Variants in HPSE2 observed in about 807,000 individuals in gnomAD.
HPSE2 encodes heparanase 2 (inactive).
A neutral mutation model predicts 60.5 loss-of-function variants in HPSE2; 38 were observed. The observed-to-expected ratio is 0.63, with a 90% CI of 0.48 to 0.82. The LOEUF is 0.82. Ranked by LOEUF, HPSE2 falls within the 40% of genes least tolerant of loss-of-function variation. The pLI, the probability that HPSE2 is intolerant of heterozygous loss-of-function variation, is 0.00. For missense variants in HPSE2, 713 were observed against 740.4 expected, an observed-to-expected ratio of 0.96 and a Z score of 0.43; for synonymous variants, 295 against 293.2, an observed-to-expected ratio of 1.01 and a Z score of -0.06.
intron 3 of HPSE2, among the ~76,000 whole-genome samples, chr10:98,890,278 G>A (rs1469558724): frequency 6.6e-6 from 1 of 151,796 alleles, no homozygotes; most frequent in African/African-American, 2.4e-5. Flanking sequence ...GATAATTTGT[G>A]GTATCATTGA....
chr10:99,153,917 G>A (rs1846401528), intron 2 of HPSE2, among the ~76,000 whole-genome samples: 1 of 151,826 alleles, frequency 6.6e-6, no homozygotes, highest in Non-Finnish European at 1.5e-5. Flanking sequence ...AGGAGCTGAT[G>A]GAGCTGAAAA....
At chr10:98,531,999 T>C (rs2133802743) in intron 9 of HPSE2, among the ~76,000 whole-genome samples, 2 of 152,290 alleles carry the variant, frequency 1.3e-5, no homozygotes, top group Middle Eastern at 6.8e-3. Context: ...ACCAAGCAAA[T>C]ATATTTTAAG....
At chr10:98,857,885 C>T (rs930503733) in intron 3 of HPSE2, among the ~76,000 whole-genome samples, 1 of 152,054 alleles carries the variant, frequency 6.6e-6, no homozygotes, top group Non-Finnish European at 1.5e-5. Context: ...AAACATAATG[C>T]AATCTCACAA....
At chr10:99,172,008 G>C (rs946050381) in intron 2 of HPSE2, among the ~76,000 whole-genome samples, 1 of 152,082 alleles carries the variant, frequency 6.6e-6, no homozygotes, top group Non-Finnish European at 1.5e-5. Flanking sequence ...TTAAAATAAA[G>C]ATTTAGGTAT....
intron 3 of HPSE2, among the ~76,000 whole-genome samples, chr10:99,033,607 C>T (rs1163233161): frequency 2.6e-5 from 4 of 152,038 alleles, no homozygotes; most frequent in Non-Finnish European, 4.4e-5. Flanking sequence ...ACGGTGAAAC[C>T]TCATCTCTAC....
intron 3 of HPSE2, among the ~76,000 whole-genome samples, chr10:99,130,298 A>G (rs1037012573): frequency 1.3e-5 from 2 of 152,166 alleles, no homozygotes; most frequent in Non-Finnish European, 2.9e-5. Flanking sequence ...TCACCTTCAT[A>G]CCAAAACCAA....
At chr10:99,093,549 G>A (rs145248773) in intron 3 of HPSE2, among the ~76,000 whole-genome samples, 3 of 152,220 alleles carry the variant, frequency 2.0e-5, no homozygotes, top group East Asian at 1.9e-4. Flanking sequence ...TGAGGCACCC[G>A]CAGGTTCAGT....
chr10:98,634,701 C>CA (rs1289459419), intron 7 of HPSE2, among the ~76,000 whole-genome samples: 3 of 152,138 alleles, frequency 2.0e-5, no homozygotes, highest in African/African-American at 7.2e-5. Flanking sequence ...GAAGAAGTGG[C>CA]ATAATGTCAC....
intron 2 of HPSE2, among the ~76,000 whole-genome samples, chr10:99,212,742 A>T (rs1848992056): frequency 6.6e-6 from 1 of 152,206 alleles, no homozygotes; most frequent in African/African-American, 2.4e-5. Context: ...ACGGTTAGTA[A>T]CAATATTCTT....
intron 9 of HPSE2, among the ~76,000 whole-genome samples, chr10:98,527,353 GCA>G (rs1315716274): frequency 6.6e-6 from 1 of 152,066 alleles, no homozygotes; most frequent in East Asian, 1.9e-4. Flanking sequence ...ATGGTGATCC[GCA>G]CACTCTGCAT....
intron 11 of HPSE2, among the ~76,000 whole-genome samples, chr10:98,479,728 G>C (rs1177225476): frequency 6.6e-6 from 1 of 152,190 alleles, no homozygotes; most frequent in Non-Finnish European, 1.5e-5. Context: ...GCAGGATCAG[G>C]GGCTGGAATC....
the HPSE2 span, among the ~76,000 whole-genome samples, chr10:99,272,025 C>CA: frequency 6.6e-6 from 1 of 152,174 alleles, no homozygotes; most frequent in Non-Finnish European, 1.5e-5. Context: ...GTAATCCCAA[C>CA]ACTTTGAGAG....
intron 11 of HPSE2, among the ~76,000 whole-genome samples, chr10:98,466,798 G>A (rs1940554885): frequency 6.6e-6 from 1 of 152,144 alleles, no homozygotes; most frequent in South Asian, 2.1e-4. Flanking sequence ...CTAAGGCAAA[G>A]TTTTATGCCA....
In HPSE2 at chr10:98,849,343, G is replaced by A. The variant is rs75806706; in HGVS notation, c.611-105287C>T. On this transcript the variant is annotated intron_variant, in intron 3 of 11. Transcript: ENST00000370552. ...AGCACATGTGTGAAGGATAACACTAGGTATATATGAAAGTACTCTGCACCT... is the reference window on the plus strand; with the variant it reads ...AGCACATGTGTGAAGGATAACACTAAGTATATATGAAAGTACTCTGCACCT... Among the ~76,000 whole-genome samples, 25 of 152,216 alleles carry A rather than the reference G, an allele frequency of 1.6e-4. No homozygotes were observed. In the East Asian group the frequency reaches 2.1e-3, roughly 13 times the overall value.
At chr10:98,945,947 C>A (rs1955168712) in intron 3 of HPSE2, among the ~76,000 whole-genome samples, 1 of 152,006 alleles carries the variant, frequency 6.6e-6, no homozygotes, top group Non-Finnish European at 1.5e-5. Flanking sequence ...CAAGTTTGAA[C>A]TGTGCGGGTC....
At chr10:98,596,343 T>C (rs916081370) in intron 9 of HPSE2, among the ~76,000 whole-genome samples, 18 of 152,252 alleles carry the variant, frequency 1.2e-4, no homozygotes, top group East Asian at 1.9e-4. Flanking sequence ...AGTAGTTTTT[T>C]AATCTTCATT....
chr10:98,721,849 T>G (rs779757281), intron 4 of HPSE2, 21 bp from the exon 5 acceptor site: 3 of 1,609,874 alleles, frequency 1.9e-6, no homozygotes, highest in East Asian at 2.2e-5. Context: ...AGCAGACATG[T>G]AAGTCAGAAT....
intron 4 of HPSE2, among the ~76,000 whole-genome samples, chr10:98,736,678 T>C (rs1220557783): frequency 6.6e-6 from 1 of 152,232 alleles, no homozygotes; most frequent in Non-Finnish European, 1.5e-5. Flanking sequence ...TATAAGAGAT[T>C]CCTCCAGTTC....
intron 3 of HPSE2, among the ~76,000 whole-genome samples, chr10:98,814,217 G>GA (rs372688634): frequency 2.0e-5 from 3 of 149,776 alleles, no homozygotes; most frequent in Non-Finnish European, 3.0e-5. Flanking sequence ...TAATAAAATT[G>GA]AAAAAAAAAT....
Sources: allele counts gnomAD v4.1 joint callset (sites outside exome capture counted in the v4.1 genomes callset), GRCh38; gene constraint gnomAD v4.1.1; transcripts MANE v1.5; gene names NCBI Gene and HGNC (gene_info 2026-07-23, HGNC 2026-07-21).